DOCK4: variants seen among roughly 807,000 people sequenced by gnomAD.
DOCK4 encodes dedicator of cytokinesis protein 4.
A neutral mutation model predicts 268.1 loss-of-function variants in DOCK4; 97 were observed. That is an observed-to-expected ratio of 0.36 (90% CI 0.31 to 0.43). The LOEUF is 0.43. DOCK4 is among the 20% of genes least tolerant of loss of function. The pLI is 1.00. For synonymous variants in DOCK4, 954 were observed against 887.2 expected (o/e 1.08, Z -1.34); for missense variants, 2,145 against 2,455.7 (o/e 0.87, Z 2.67).
At chr7:111,769,880 T>A (rs2133675853) in intron 36 of DOCK4, among the ~76,000 whole-genome samples, 1 of 152,306 alleles carries the variant, frequency 6.6e-6, no homozygotes, top group East Asian at 1.9e-4. Flanking sequence ...TAATCAGATC[T>A]GTATTTCATC....
chr7:111,933,815 AG>A (rs140351686), intron 12 of DOCK4, among the ~76,000 whole-genome samples: 4,975 of 152,240 alleles, frequency 0.033, 113 homozygotes, highest in Non-Finnish European at 0.046. Context: ...AACTCTAAGG[AG>A]AGGGAGGAGG....
intron 1 of DOCK4, among the ~76,000 whole-genome samples, chr7:112,015,737 G>C (rs1801756227): frequency 6.6e-6 from 1 of 152,190 alleles, no homozygotes; most frequent in Non-Finnish European, 1.5e-5. Flanking sequence ...TTGTGCTGCT[G>C]TAACAGAATA....
intron 11 of DOCK4, among the ~76,000 whole-genome samples, chr7:111,939,514 CAAAAAA>C (rs55951068): frequency 3.7e-5 from 3 of 80,700 alleles, no homozygotes; most frequent in Non-Finnish European, 7.4e-5. Context: ...GACTCCTTCT[CAAAAAA>C]AAAAAAAAAA....
Position 112,078,744 on chromosome 7 carries a change from C to T in DOCK4, c.38-74613G>A, listed in dbSNP as rs529959591. ...TCTGGAGATGAGAAACAGGAGGGAG[C>T]TCACTCACTTATACACGTATCTCCT... On this transcript the variant is annotated intron_variant, in intron 1 of 52. Transcript: ENST00000428084. Among the ~76,000 whole-genome samples, 12 of 152,302 alleles carry T rather than the reference C, an allele frequency of 7.9e-5. No individual in the cohort carries two copies. In the East Asian group the frequency reaches 2.3e-3, roughly 29 times the overall value.
intron 1 of DOCK4, among the ~76,000 whole-genome samples, chr7:112,105,937 TTCC>T (rs1487279316): frequency 7.2e-5 from 11 of 152,164 alleles, no homozygotes. Flanking sequence ...GCAATGCTCC[TTCC>T]TCAGCCTCCT....
intron 16 of DOCK4, among the ~76,000 whole-genome samples, chr7:111,880,475 A>G (rs984281761): frequency 2.0e-5 from 3 of 152,226 alleles, no homozygotes; most frequent in Admixed American, 1.3e-4. Context: ...AATCCGAAAG[A>G]AAAGGATGCT....
At chr7:111,759,879 G>C (rs148839051) in intron 40 of DOCK4, among the ~76,000 whole-genome samples, 89 of 152,176 alleles carry the variant, frequency 5.8e-4, no homozygotes, top group Admixed American at 4.4e-3. Flanking sequence ...GTCAAAGGAA[G>C]TTTATTCTAA....
At chr7:112,002,534 G>A (rs1301093048) in intron 2 of DOCK4, among the ~76,000 whole-genome samples, 5 of 152,074 alleles carry the variant, frequency 3.3e-5, no homozygotes, top group African/African-American at 1.2e-4. Flanking sequence ...CAATCACAGT[G>A]GACAGAATAA....
At chr7:112,129,452 T>C (rs1813592544) in intron 1 of DOCK4, among the ~76,000 whole-genome samples, 1 of 152,150 alleles carries the variant, frequency 6.6e-6, no homozygotes, top group African/African-American at 2.4e-5. Context: ...TCCTGATTAT[T>C]GTGGTCGTTA....
At chr7:112,072,942 C>T (rs576406217) in intron 1 of DOCK4, among the ~76,000 whole-genome samples, 52 of 152,302 alleles carry the variant, frequency 3.4e-4, no homozygotes, top group South Asian at 1.4e-3. Context: ...GCCCCTCCCA[C>T]GTGCTGGCAG....
chr7:112,190,011 T>C (rs1182179432), intron 1 of DOCK4, among the ~76,000 whole-genome samples: 1 of 152,192 alleles, frequency 6.6e-6, no homozygotes, highest in Non-Finnish European at 1.5e-5. Flanking sequence ...CAAACACTTG[T>C]TTTCCTCTGT....
chr7:112,159,121 C>T (rs1342321983), intron 1 of DOCK4, among the ~76,000 whole-genome samples: 2 of 152,194 alleles, frequency 1.3e-5, no homozygotes, highest in Non-Finnish European at 2.9e-5. Context: ...TACATCACTG[C>T]AAATACGCCC....
chr7:112,041,134 A>C (rs1429393135), intron 1 of DOCK4, among the ~76,000 whole-genome samples: 6 of 152,202 alleles, frequency 3.9e-5, no homozygotes, highest in Non-Finnish European at 7.3e-5. Flanking sequence ...GTTGAACACT[A>C]CTAATAAAAA....
chr7:112,112,372 G>A (rs555643605), intron 1 of DOCK4, among the ~76,000 whole-genome samples: 113 of 152,304 alleles, frequency 7.4e-4, no homozygotes, highest in Non-Finnish European at 1.3e-3. Context: ...GGCTGGGTGT[G>A]GTGGCTCATG....
At chr7:111,747,039 AAC>A (rs138249278) in intron 43 of DOCK4, among the ~76,000 whole-genome samples, 6 of 151,658 alleles carry the variant, frequency 4.0e-5, no homozygotes, top group African/African-American at 1.2e-4. Context: ...TGCAAGAATG[AAC>A]ACACACACAC....
intron 1 of DOCK4, among the ~76,000 whole-genome samples, chr7:112,072,835 A>T (rs1807722334): frequency 6.6e-6 from 1 of 152,236 alleles, no homozygotes; most frequent in Non-Finnish European, 1.5e-5. Context: ...GCGGAGCTTT[A>T]CTGGTATACA....
chr7:111,779,747 T>G (rs1196476648), intron 35 of DOCK4, among the ~76,000 whole-genome samples: 1 of 152,214 alleles, frequency 6.6e-6, no homozygotes, highest in East Asian at 1.9e-4. Flanking sequence ...AAGCTACTTC[T>G]TCACCACATT....
intron 12 of DOCK4, among the ~76,000 whole-genome samples, chr7:111,917,136 C>T (rs1178306856): frequency 2.6e-5 from 4 of 151,698 alleles, no homozygotes; most frequent in South Asian, 2.1e-4. Context: ...TACAGGCGTC[C>T]GCCATCACAC....
chr7:112,146,534 C>G (rs909143072), intron 1 of DOCK4, among the ~76,000 whole-genome samples: 13 of 152,080 alleles, frequency 8.5e-5, no homozygotes, highest in African/African-American at 2.4e-4. Flanking sequence ...GAGTTTGAGA[C>G]CAGCCTAGGC....
Sources: allele counts gnomAD v4.1 joint callset (sites outside exome capture counted in the v4.1 genomes callset), GRCh38; gene constraint gnomAD v4.1.1; transcripts MANE v1.5; gene names NCBI Gene and HGNC (gene_info 2026-07-23, HGNC 2026-07-21).